Variants in TOM1L1 observed in about 807,000 individuals in gnomAD.
TOM1L1 encodes the protein target of myb1 like 1 membrane trafficking protein.
In TOM1L1, 64 loss-of-function variants were observed where a neutral mutation model predicts 63.4. That is an observed-to-expected ratio of 1.01 (90% CI 0.83 to 1.24). The LOEUF (loss-of-function observed/expected upper bound fraction) is 1.24. Ranked by LOEUF, TOM1L1 falls within the 50% of genes most tolerant of loss-of-function variation. The probability of loss-of-function intolerance (pLI) is 0.00; values close to 1 mark genes in which losing one functional copy is unlikely to be tolerated. For missense variants in TOM1L1, 536 were observed against 567.0 expected, an observed-to-expected ratio of 0.95 and a Z score of 0.55; for synonymous variants, 166 against 194.4, an observed-to-expected ratio of 0.85 and a Z score of 1.22.
intron 15 of TOM1L1, 172 bp from the exon 16 acceptor site, chr17:54,961,063 A>G (rs1471795830): frequency 1.6e-6 from 1 of 617,768 alleles, no homozygotes; most frequent in East Asian, 2.8e-5. Context: ...CCAATGAACT[A>G]TCAAAACTTA....
chr17:54,930,324 A>G (rs2143857115), intron 8 of TOM1L1, 118 bp downstream of exon 8: 8 of 1,421,802 alleles, frequency 5.6e-6, no homozygotes, highest in Non-Finnish European at 7.7e-6. Context: ...TCCATTCTCA[A>G]TAGGAAAGGT....
At chr17:54,937,314 G>A (rs2048965485) in intron 10 of TOM1L1, 88 bp downstream of exon 10, 9 of 1,028,580 alleles carry the variant, frequency 8.7e-6, no homozygotes, top group Non-Finnish European at 1.4e-5. Flanking sequence ...TACCACCTAA[G>A]AAGGACTGAA....
intron 3 of TOM1L1, among the ~76,000 whole-genome samples, chr17:54,909,294 T>TC (rs1319467101): frequency 1.3e-5 from 2 of 151,940 alleles, no homozygotes; most frequent in Admixed American, 1.3e-4. Context: ...CATGTGGTTG[T>TC]CCCCCCAGGA....
At chr17:54,937,341 G>A in intron 10 of TOM1L1, 115 bp downstream of exon 10, 2 of 848,020 alleles carry the variant, frequency 2.4e-6, no homozygotes, top group Non-Finnish European at 3.9e-6. Flanking sequence ...TTGAATGTCA[G>A]AGCGCTATGT....
chr17:54,949,618 A>G lies in TOM1L1; in HGVS notation c.1283A>G (p.His428Arg). The G allele has an allele frequency of 6.2e-7, 1 of 1,611,416 alleles. No homozygotes were observed. The highest frequency in any genetic ancestry group is 8.5e-7 in the Non-Finnish European group (1 of 1,177,562). Residue 428 changes from histidine (H) to arginine (R), a missense_variant, in exon 13 of 16, where the codon CAT becomes CGT. Transcript: ENST00000575882. ...NQSLPPLPSN[H>R]PAMTKSDLQP... ...AGTCTGCCACCTTTGCCCAGCAATC[A>G]TCCAGGTACATGGGACCTTATTATT...
At chr17:54,906,498 G>C (rs2048412962) in intron 3 of TOM1L1, among the ~76,000 whole-genome samples, 1 of 150,056 alleles carries the variant, frequency 6.7e-6, no homozygotes. Context: ...AAAAAAGTTT[G>C]TGCATGTATT....
chr17:54,933,848 G>A (rs1215961132), intron 8 of TOM1L1, among the ~76,000 whole-genome samples: 1 of 152,108 alleles, frequency 6.6e-6, no homozygotes, highest in African/African-American at 2.4e-5. Context: ...ATACATTTTC[G>A]GGAGATATGA....
chr17:54,906,764 A>G (rs2048417932), intron 3 of TOM1L1: 1 of 985,372 alleles, frequency 1.0e-6, no homozygotes, highest in Non-Finnish European at 1.2e-6. Flanking sequence ...ATCCTTGGCA[A>G]TATGACCTCT....
In TOM1L1 at chr17:54,905,485, A is replaced by G. The variant is rs750146881; in HGVS notation, c.144-4A>G. The G allele has an allele frequency of 5.6e-6, 9 of 1,603,674 alleles. No homozygotes were observed. The highest frequency in any genetic ancestry group is 3.4e-5 in the South Asian group (3 of 89,434). On this transcript the variant is annotated splice_region_variant and splice_polypyrimidine_tract_variant and intron_variant, in intron 2 of 15. Coordinates refer to ENST00000575882, the MANE Select transcript of TOM1L1 (RefSeq NM_005486.3). ...TGGTGATTTCAGTGTATTTATTGCT[A>G]TAGGCCAAAAGATGCAGTGAAAGCT...
chr17:54,911,546 T>A (rs931272815), intron 3 of TOM1L1, among the ~76,000 whole-genome samples: 23 of 152,202 alleles, frequency 1.5e-4, no homozygotes, highest in African/African-American at 5.1e-4. Flanking sequence ...CAAATTTCCG[T>A]CACAGGGGTC....
chr17:54,911,220 G>A (rs955487036), intron 3 of TOM1L1, among the ~76,000 whole-genome samples: 3 of 152,064 alleles, frequency 2.0e-5, no homozygotes, highest in African/African-American at 7.2e-5. Flanking sequence ...CTTTTCTTTT[G>A]ACTTTACCAA....
Position 54,930,859 on chromosome 17 carries a change from A to C in TOM1L1, c.854+653A>C, listed in dbSNP as rs1218669071. Among the ~76,000 whole-genome samples the C allele has an allele frequency of 2.6e-5, 4 of 151,666 alleles. No homozygotes were observed. The East Asian group carries it at 5.8e-4, about 22-fold the overall frequency. Reference sequence around the variant, plus strand: ...TCTGTCTCAAGAATATAAATAAATAAAATAAATAAATAAAAAATAAAAAAA... The same window carrying C: ...TCTGTCTCAAGAATATAAATAAATACAATAAATAAATAAAAAATAAAAAAA... On this transcript the variant is annotated intron_variant, in intron 8 of 15. Transcript: ENST00000575882.
At position 54,934,002 on chromosome 17, in the gene TOM1L1, G is replaced by A. The variant is rs1454429567; in HGVS notation, c.855-2647G>A. 5.9e-5 allele frequency among the ~76,000 whole-genome samples: 9 copies of A among 152,304 alleles called. 1 individual carries two copies. The South Asian group carries it at 1.9e-3, about 32-fold the overall frequency. ...TTGAGTCTTTGATCAGCCTTTCACG[G>A]AATACACAATTTACGTGTGAGAAGG... On this transcript the variant is annotated intron_variant, in intron 8 of 15. Coordinates refer to ENST00000575882, the MANE Select transcript of TOM1L1 (RefSeq NM_005486.3).
In TOM1L1 at chr17:54,921,186, C is replaced by G. The variant is rs568291884; in HGVS notation, c.720+5324C>G. ...ATTGTTTCTTTATTGCTGCTTGAGT[C>G]TTTAGATCTTATTTGGTTTTGAGCC... On this transcript the variant is annotated intron_variant, in intron 7 of 15. Transcript: ENST00000575882. 1.5e-3 allele frequency among the ~76,000 whole-genome samples: 223 copies of G among 152,230 alleles called. 8 individuals carry two copies. The South Asian group carries it at 0.045, about 31-fold the overall frequency.
intron 7 of TOM1L1, among the ~76,000 whole-genome samples, chr17:54,927,617 C>T (rs1377973052): frequency 6.6e-6 from 1 of 152,072 alleles, no homozygotes; most frequent in African/African-American, 2.4e-5. Flanking sequence ...CCGGGGTCTC[C>T]GTGATGGACA....
chr17:54,961,148 C>A, intron 15 of TOM1L1, 87 bp from the exon 16 acceptor site: 3 of 937,636 alleles, frequency 3.2e-6, no homozygotes, highest in Non-Finnish European at 5.0e-6. Context: ...GACTCTCCAG[C>A]TTCCCAGTAA....
intron 14 of TOM1L1, chr17:54,952,777 A>G (rs1192087498): frequency 6.6e-6 from 1 of 152,302 alleles, no homozygotes; most frequent in Non-Finnish European, 1.5e-5. Context: ...TGAGGCCCCA[A>G]GTCTGGAACT....
At chr17:54,913,190 A>T (rs1391197519) in intron 4 of TOM1L1, among the ~76,000 whole-genome samples, 1 of 152,264 alleles carries the variant, frequency 6.6e-6, no homozygotes, top group Non-Finnish European at 1.5e-5. Context: ...AGCAAAAAAC[A>T]ATTGATAGTA....
At chr17:54,948,756 A>G (rs1325797085) in intron 12 of TOM1L1, among the ~76,000 whole-genome samples, 3 of 152,214 alleles carry the variant, frequency 2.0e-5, no homozygotes, top group Non-Finnish European at 4.4e-5. Context: ...GCCAGGATAT[A>G]TTTGTGGAGT....
Sources: allele counts gnomAD v4.1 joint callset (sites outside exome capture counted in the v4.1 genomes callset), GRCh38; gene constraint gnomAD v4.1.1; transcripts MANE v1.5; gene names NCBI Gene and HGNC (gene_info 2026-07-23, HGNC 2026-07-21).